UBASH3B: variants seen among roughly 807,000 people sequenced by gnomAD.
The protein encoded by UBASH3B is ubiquitin-associated and SH3 domain-containing protein B.
Under a neutral mutation model 83.4 loss-of-function variants are expected in UBASH3B, and 37 were observed. The observed-to-expected ratio is 0.44, with a 90% CI of 0.34 to 0.58. The LOEUF is 0.58. UBASH3B is among the 20% of genes least tolerant of loss of function. The probability of loss-of-function intolerance (pLI) is 0.01; values close to 1 mark genes in which losing one functional copy is unlikely to be tolerated. For missense variants in UBASH3B, 657 were observed against 827.2 expected, an observed-to-expected ratio of 0.79 and a Z score of 2.52; for synonymous variants, 304 against 318.3, an observed-to-expected ratio of 0.96 and a Z score of 0.48.
intron 1 of UBASH3B, among the ~76,000 whole-genome samples, chr11:122,746,801 T>C (rs1416790099): frequency 1.3e-5 from 2 of 152,174 alleles, no homozygotes; most frequent in Non-Finnish European, 2.9e-5. Context: ...TAAACAGATA[T>C]GGAGTCTTAT....
chr11:122,777,230 C>A lies in UBASH3B; in HGVS notation c.402+20C>A, dbSNP rs773761186. Reference sequence around the variant, plus strand: ...TTTATGGTGAGCGGCAGCGCCCCCACCCCTGGGAAGCCTGGCTCCTAGGAT... The same window carrying A: ...TTTATGGTGAGCGGCAGCGCCCCCAACCCTGGGAAGCCTGGCTCCTAGGAT... On this transcript the variant is annotated intron_variant, in intron 3 of 13. Coordinates refer to ENST00000284273, the MANE Select transcript of UBASH3B (RefSeq NM_032873.5). 4.4e-6 allele frequency: 7 copies of A among 1,594,596 alleles called. No homozygotes were observed. In the Admixed American group the frequency reaches 5.1e-5, roughly 12 times the overall value.
chr11:122,744,898 T>TGTGTGTGCGC (rs1293701124), intron 1 of UBASH3B, among the ~76,000 whole-genome samples: 58 of 107,924 alleles, frequency 5.4e-4, no homozygotes, highest in Admixed American at 1.2e-3. Context: ...TGTGTGTGTG[T>TGTGTGTGCGC]GCGCGCGCGC....
chr11:122,756,042 A>T (rs1441559291), intron 1 of UBASH3B, among the ~76,000 whole-genome samples: 3 of 151,606 alleles, frequency 2.0e-5, no homozygotes, highest in Non-Finnish European at 4.4e-5. Context: ...ATTAATTAGG[A>T]CGGAAGGAAT....
Position 122,665,550 on chromosome 11 carries a change from C to G in UBASH3B, c.161+9340C>G, listed in dbSNP as rs1591760131. 3.3e-5 allele frequency among the ~76,000 whole-genome samples: 5 copies of G among 152,256 alleles called. No individual in the cohort carries two copies. The South Asian group carries it at 1.0e-3, about 32-fold the overall frequency. ...CTCTCACTGCTTCATGGGTGTGCTT[C>G]TCTGTTCCAGAGCATTTGGCTTTTC... On this transcript the variant is annotated intron_variant, in intron 1 of 13. Transcript: ENST00000284273.
intron 1 of UBASH3B, among the ~76,000 whole-genome samples, chr11:122,748,337 G>A (rs1443144678): frequency 1.3e-5 from 2 of 152,168 alleles, no homozygotes; most frequent in Non-Finnish European, 2.9e-5. Context: ...AGAGGATAGT[G>A]TAATGAACCC....
At chr11:122,755,483 G>C (rs7115981) in intron 1 of UBASH3B, among the ~76,000 whole-genome samples, 2,411 of 152,136 alleles carry the variant, frequency 0.016, 68 homozygotes, top group African/African-American at 0.055. Flanking sequence ...TGGAGTGCTG[G>C]TCTGACACCG....
At chr11:122,798,729 A>G (rs922620780) in intron 9 of UBASH3B, among the ~76,000 whole-genome samples, 1 of 146,606 alleles carries the variant, frequency 6.8e-6, no homozygotes, top group South Asian at 2.2e-4. Context: ...AAAAAAAGAC[A>G]AGACAAGAAG....
At chr11:122,776,147 C>A in intron 1 of UBASH3B, 72 bp from the exon 2 acceptor site, 1 of 1,431,368 alleles carries the variant, frequency 7.0e-7, no homozygotes, top group Non-Finnish European at 9.7e-7. Context: ...GCCTCCTTCA[C>A]ACTCAGCTCT....
intron 10 of UBASH3B, 122 bp from the exon 11 acceptor site, chr11:122,801,066 C>G: frequency 8.3e-7 from 1 of 1,206,860 alleles, no homozygotes; most frequent in Non-Finnish European, 1.2e-6. Flanking sequence ...GCTTCCATTT[C>G]TGTTTAGCTA....
chr11:122,783,166 G>C lies in UBASH3B; in HGVS notation c.715G>C (p.Gly239Arg). 3.1e-6 allele frequency: 5 copies of C among 1,614,146 alleles called. No homozygotes were observed. The highest frequency in any genetic ancestry group is 3.4e-6 in the Non-Finnish European group (4 of 1,180,010). The change falls in exon 5 of 14, where the codon GGG (glycine) becomes CGG (arginine). Residue 239 changes from glycine (G) to arginine (R), a missense_variant. Coordinates refer to ENST00000284273, the MANE Select transcript of UBASH3B (RefSeq NM_032873.5). ...KLAQNIDVKL[G>R]CDWVATIFSR... ...GGCCCAGAACATTGACGTCAAGCTA[G>C]GGTGTGACTGGGTGGCTACCATATT... is the stretch of plus-strand genomic sequence containing the variant.
At chr11:122,781,303 C>G (rs1565563009) in intron 4 of UBASH3B, among the ~76,000 whole-genome samples, 5 of 152,094 alleles carry the variant, frequency 3.3e-5, no homozygotes. Flanking sequence ...ATTTCCTGCT[C>G]TTATCCCTCA....
At chr11:122,690,590 A>C (rs976462996) in intron 1 of UBASH3B, among the ~76,000 whole-genome samples, 1 of 152,038 alleles carries the variant, frequency 6.6e-6, no homozygotes, top group Non-Finnish European at 1.5e-5. Flanking sequence ...CTGCTGTCCC[A>C]AGCATCCCTT....
intron 1 of UBASH3B, among the ~76,000 whole-genome samples, chr11:122,697,731 G>A (rs1032851092): frequency 2.0e-5 from 3 of 152,124 alleles, no homozygotes; most frequent in African/African-American, 4.8e-5. Flanking sequence ...ACTTAGGTTG[G>A]GCAGGATAGC....
At chr11:122,795,257 C>T (rs1258802008) in intron 7 of UBASH3B, among the ~76,000 whole-genome samples, 1 of 152,218 alleles carries the variant, frequency 6.6e-6, no homozygotes, top group African/African-American at 2.4e-5. Context: ...GGCAGGGAGT[C>T]GTTGTTGAAC....
chr11:122,802,416 T>C (rs1227258716), intron 11 of UBASH3B, among the ~76,000 whole-genome samples: 3 of 151,466 alleles, frequency 2.0e-5, no homozygotes, highest in Non-Finnish European at 4.4e-5. Flanking sequence ...AAGGAACAGA[T>C]AGTCACAACC....
intron 1 of UBASH3B, among the ~76,000 whole-genome samples, chr11:122,701,626 A>G (rs966369334): frequency 6.6e-6 from 1 of 152,142 alleles, no homozygotes. Context: ...ACGGTCCTGT[A>G]GCATCACTTG....
intron 1 of UBASH3B, among the ~76,000 whole-genome samples, chr11:122,696,937 A>C (rs924033462): frequency 2.0e-5 from 3 of 152,116 alleles, no homozygotes; most frequent in African/African-American, 7.2e-5. Context: ...TTAAAATAGG[A>C]GGGTGGTTTA....
At chr11:122,675,646 A>G (rs1370594563) in intron 1 of UBASH3B, among the ~76,000 whole-genome samples, 4 of 152,204 alleles carry the variant, frequency 2.6e-5, no homozygotes, top group African/African-American at 9.7e-5. Flanking sequence ...CAAAGCTGCA[A>G]GGAGCACCTC....
rs191767383 is a variant in UBASH3B at position 122,683,852 on chromosome 11, T to A, written c.161+27642T>A. ...TAGTGTAGTTAGCTTCCCTGCCCAG[T>A]CTTTTCTGATTTTTTTATTTGTAAT... On this transcript the variant is annotated intron_variant, in intron 1 of 13. Transcript: ENST00000284273. Among the ~76,000 whole-genome samples the A allele has an allele frequency of 1.6e-3, 248 of 152,022 alleles. 1 individual carries two copies. Among genetic ancestry groups the A allele is most frequent in the Non-Finnish European group, 2.4e-3 (165 of 67,978 alleles).
Sources: allele counts gnomAD v4.1 joint callset (sites outside exome capture counted in the v4.1 genomes callset), GRCh38; gene constraint gnomAD v4.1.1; transcripts MANE v1.5; gene names NCBI Gene and HGNC (gene_info 2026-07-23, HGNC 2026-07-21).